Variants in CNTLN observed in about 807,000 individuals in gnomAD.
The protein encoded by CNTLN is centlein, centrosomal protein.
Under a neutral mutation model 180.0 loss-of-function variants are expected in CNTLN, and 212 were observed. The ratio of observed to expected loss-of-function variants is 1.18; its 90% confidence interval spans 1.05 to 1.32. The LOEUF (loss-of-function observed/expected upper bound fraction) is 1.32, where lower values mean the gene tolerates loss of function less well. CNTLN is among the 40% of genes most tolerant of loss of function. CNTLN has a pLI of 0.00. For synonymous variants in CNTLN, 722 were observed against 563.1 expected (o/e 1.28, Z -3.99); for missense variants, 2,095 against 1,610.9 (o/e 1.30, Z -5.14).
rs1030423845 is a variant in CNTLN, at chr9:17,502,705, T to A, written c.*53T>A. 6 of 638,576 alleles carry A rather than the reference T, an allele frequency of 9.4e-6. No individual in the cohort carries two copies. Among genetic ancestry groups the A allele is most frequent in the African/African-American group, 1.9e-5 (1 of 51,776 alleles). The allele number at this position is 638,576 out of a possible 1,614,324, so 39.6% of individuals were successfully genotyped here. A position where few individuals can be genotyped will look rare whatever the true frequency, so the allele number is the denominator to read the frequency against. ...TGTGAAAACTTTTTATGTGGTGTGA[T>A]TGGAATACATGCATTGCAATCCTGA... On this transcript the variant is annotated 3_prime_UTR_variant, in exon 26 of 26. Transcript: ENST00000380647.
At position 17,415,794 on chromosome 9, in the gene CNTLN, T is replaced by C. The variant is rs1337948986; in HGVS notation, c.2803T>C (p.Phe935Leu). ...NIDGKTPKDY[F>L]HDKNAKKPTF... The stretch of plus-strand genomic sequence containing the variant: ...ATGAAATCTTCAAATTTAGGACTAT[T>C]TTCATGATAAGAATGCCAAAAAACC... The change falls in exon 17 of 26, where the codon TTT becomes CTT. Residue 935 changes from phenylalanine to leucine, a missense_variant. Physicochemically the swap from Phe to Leu is conservative, Grantham distance 22. Coordinates refer to ENST00000380647, the MANE Select transcript of CNTLN (RefSeq NM_017738.4). 6.3e-7 allele frequency: 1 copy of C among 1,596,292 alleles called. No individual in the cohort carries two copies. The highest frequency in any genetic ancestry group is 1.3e-5 in the African/African-American group (1 of 74,468).
chr9:17,341,990 T>C (rs1821516568), intron 11 of CNTLN, among the ~76,000 whole-genome samples: 1 of 152,136 alleles, frequency 6.6e-6, no homozygotes, highest in Admixed American at 6.5e-5. Context: ...CCAGATGAGT[T>C]GGTTGCATAT....
At chr9:17,456,868 A>T (rs189931520) in intron 18 of CNTLN, among the ~76,000 whole-genome samples, 1 of 152,160 alleles carries the variant, frequency 6.6e-6, no homozygotes, top group Non-Finnish European at 1.5e-5. Flanking sequence ...TCATAAAAAC[A>T]TTACTATTAT....
At chr9:17,400,529 A>C (rs1319671641) in intron 15 of CNTLN, among the ~76,000 whole-genome samples, 1 of 152,180 alleles carries the variant, frequency 6.6e-6, no homozygotes, top group East Asian at 1.9e-4. Flanking sequence ...CTCATCCTCT[A>C]GCTGTGTGAC....
intron 2 of CNTLN, among the ~76,000 whole-genome samples, chr9:17,200,662 C>G (rs867631740): frequency 1.3e-5 from 2 of 152,046 alleles, no homozygotes; most frequent in African/African-American, 4.8e-5. Flanking sequence ...TATAGGAATG[C>G]TTGTGATTTT....
At chr9:17,267,680 C>G (rs994291665) in intron 5 of CNTLN, among the ~76,000 whole-genome samples, 7 of 152,188 alleles carry the variant, frequency 4.6e-5, no homozygotes, top group African/African-American at 1.7e-4. Flanking sequence ...GTACACCAAT[C>G]AGACGTAGAT....
chr9:17,149,745 C>G (rs374008617), intron 2 of CNTLN, among the ~76,000 whole-genome samples: 1 of 152,056 alleles, frequency 6.6e-6, no homozygotes, highest in African/African-American at 2.4e-5. Context: ...TCTCGATCTC[C>G]TGATCTTGTG....
intron 19 of CNTLN, among the ~76,000 whole-genome samples, chr9:17,460,102 G>C (rs912105875): frequency 2.6e-5 from 4 of 151,470 alleles, no homozygotes; most frequent in Non-Finnish European, 5.9e-5. Context: ...GTTAATATTA[G>C]ACTTTTCTGT....
chr9:17,355,628 G>A (rs992841543), intron 12 of CNTLN, among the ~76,000 whole-genome samples: 1 of 151,940 alleles, frequency 6.6e-6, no homozygotes, highest in South Asian at 2.1e-4. Flanking sequence ...TGAAGTAGGG[G>A]GTCCAGTTTC....
At chr9:17,177,433 T>A (rs1742859368) in intron 2 of CNTLN, among the ~76,000 whole-genome samples, 1 of 152,142 alleles carries the variant, frequency 6.6e-6, no homozygotes, top group Admixed American at 6.5e-5. Context: ...TATTTTCAGT[T>A]TCTTGAAGTG....
At chr9:17,156,341 A>G (rs1262644491) in intron 2 of CNTLN, among the ~76,000 whole-genome samples, 4 of 152,296 alleles carry the variant, frequency 2.6e-5, no homozygotes, top group East Asian at 3.9e-4. Context: ...TTTGAATTCT[A>G]TAATTATTCT....
At chr9:17,270,045 T>C (rs1827819107) in intron 5 of CNTLN, among the ~76,000 whole-genome samples, 2 of 152,098 alleles carry the variant, frequency 1.3e-5, no homozygotes, top group Admixed American at 1.3e-4. Flanking sequence ...TTACACTTTG[T>C]TTTTGTTTTT....
intron 10 of CNTLN, 92 bp from the exon 11 acceptor site, chr9:17,340,735 A>G: frequency 9.0e-7 from 1 of 1,115,326 alleles, no homozygotes. Flanking sequence ...TTTTCTTTCA[A>G]ATTTCATATT....
At chr9:17,314,317 A>G (rs550213479) in intron 8 of CNTLN, among the ~76,000 whole-genome samples, 1 of 152,206 alleles carries the variant, frequency 6.6e-6, no homozygotes, top group African/African-American at 2.4e-5. Flanking sequence ...ACTTGGAATT[A>G]TATGGTGTAT....
chr9:17,159,586 T>C (rs1819536584), intron 2 of CNTLN, among the ~76,000 whole-genome samples: 1 of 152,180 alleles, frequency 6.6e-6, no homozygotes, highest in African/African-American at 2.4e-5. Flanking sequence ...TGCACTTGCG[T>C]TGGACTTAGC....
At chr9:17,281,739 A>G (rs750512398) in intron 6 of CNTLN, among the ~76,000 whole-genome samples, 11 of 152,192 alleles carry the variant, frequency 7.2e-5, no homozygotes, top group Non-Finnish European at 1.5e-4. Context: ...TAGTGCTGCA[A>G]TGAACATAAC....
intron 8 of CNTLN, among the ~76,000 whole-genome samples, chr9:17,317,043 T>G (rs4961537): frequency 0.79 from 119,366 of 151,548 alleles, 47,593 homozygotes; most frequent in Non-Finnish European, 0.85. Context: ...AAAAAGTGTT[T>G]TTTTTTTTTC....
intron 2 of CNTLN, among the ~76,000 whole-genome samples, chr9:17,184,735 T>C (rs1326458387): frequency 6.6e-6 from 1 of 152,126 alleles, no homozygotes; most frequent in Non-Finnish European, 1.5e-5. Flanking sequence ...AAAACAACAA[T>C]AGGAATACTC....
intron 5 of CNTLN, among the ~76,000 whole-genome samples, chr9:17,249,887 A>G (rs1407476127): frequency 6.8e-6 from 1 of 147,736 alleles, no homozygotes; most frequent in East Asian, 2.0e-4. Context: ...TATGCCTTCT[A>G]GGTGTATCTA....
Sources: gnomAD v4.1 joint callset for allele counts (sites outside exome capture counted in the v4.1 genomes callset) on GRCh38, gnomAD v4.1.1 for gene constraint, MANE v1.5 for transcripts, NCBI Gene and HGNC (gene_info 2026-07-23, HGNC 2026-07-21) for gene names.